JMJD1C: variants seen among roughly 807,000 people sequenced by gnomAD.
The protein encoded by JMJD1C is jumonji domain containing 1C.
Under a neutral mutation model 245.3 loss-of-function variants are expected in JMJD1C, and 31 were observed. That is an observed-to-expected ratio of 0.13 (90% CI 0.09 to 0.17). The LOEUF (loss-of-function observed/expected upper bound fraction) is 0.17, where lower values mean the gene tolerates loss of function less well. Among genes scored for constraint, JMJD1C ranks in the 10% least tolerant of loss-of-function variants. The pLI, the probability that JMJD1C is intolerant of heterozygous loss-of-function variation, is 1.00. For synonymous variants in JMJD1C, 1,057 were observed against 1,017.4 expected (o/e 1.04, Z -0.74); for missense variants, 2,691 against 3,000.2 (o/e 0.90, Z 2.41).
intron 5 of JMJD1C, among the ~76,000 whole-genome samples, chr10:63,216,374 A>T (rs1196899247): frequency 7.1e-6 from 1 of 140,422 alleles, no homozygotes; most frequent in African/African-American, 2.5e-5. Flanking sequence ...GTATTAAGTT[A>T]AAAAAAAAAT....
At chr10:63,314,776 T>C (rs1231987722) in intron 2 of JMJD1C, among the ~76,000 whole-genome samples, 1 of 152,026 alleles carries the variant, frequency 6.6e-6, no homozygotes, top group Non-Finnish European at 1.5e-5. Flanking sequence ...GCCACTCAAA[T>C]AGCTGGGATT....
At chr10:63,480,323 ATTT>A (rs35705943) in intron 1 of JMJD1C, among the ~76,000 whole-genome samples, 3 of 145,946 alleles carry the variant, frequency 2.1e-5, no homozygotes. Flanking sequence ...CTATAGTTTG[ATTT>A]TTTTTTTTTT....
chr10:63,419,392 A>C (rs10761760), intron 1 of JMJD1C, among the ~76,000 whole-genome samples: 63,310 of 151,426 alleles, frequency 0.42, 13,993 homozygotes, highest in South Asian at 0.53. Flanking sequence ...GTCTCGAAAA[A>C]AAATATATAT....
chr10:63,177,911 G>A, intron 22 of JMJD1C, 55 bp from the exon 23 acceptor site: 5 of 1,567,874 alleles, frequency 3.2e-6, no homozygotes, highest in Non-Finnish European at 4.3e-6. Context: ...AGAAAGCCAA[G>A]TCTCCTAAAG....
intron 2 of JMJD1C, among the ~76,000 whole-genome samples, chr10:63,281,036 T>C (rs1857319551): frequency 6.6e-6 from 1 of 151,206 alleles, no homozygotes; most frequent in African/African-American, 2.4e-5. Context: ...GATTTCACCG[T>C]GTTAGCCAGC....
intron 22 of JMJD1C, among the ~76,000 whole-genome samples, chr10:63,181,826 G>A (rs1204605996): frequency 6.6e-6 from 1 of 152,166 alleles, no homozygotes; most frequent in Non-Finnish European, 1.5e-5. Context: ...TACAAAGGAT[G>A]TAACTCCATG....
At chr10:63,491,070 G>A (rs1235185138) in intron 1 of JMJD1C, among the ~76,000 whole-genome samples, 1 of 152,126 alleles carries the variant, frequency 6.6e-6, no homozygotes, top group Non-Finnish European at 1.5e-5. Flanking sequence ...CTTGCCCTGT[G>A]GTCACACAAT....
At chr10:63,255,576 A>G (rs1853776282) in intron 3 of JMJD1C, among the ~76,000 whole-genome samples, 1 of 152,212 alleles carries the variant, frequency 6.6e-6, no homozygotes, top group Non-Finnish European at 1.5e-5. Flanking sequence ...TGGATGTACC[A>G]TGACATTGCC....
chr10:63,287,772 A>G lies in JMJD1C; in HGVS notation c.334-23008T>C, dbSNP rs1858163625. On this transcript the variant is annotated intron_variant, in intron 2 of 25. Coordinates refer to ENST00000399262, the MANE Select transcript of JMJD1C (RefSeq NM_032776.3). The stretch of plus-strand genomic sequence containing the variant: ...TTTCTTTTTCTTTTTTTTTTGAGAC[A>G]GAGTCTCGCTCTGTTGCGCAAGCTG... Among the ~76,000 whole-genome samples the G allele has an allele frequency of 2.0e-5, 3 of 151,814 alleles. No individual in the cohort carries two copies. The South Asian group carries it at 6.2e-4, about 32-fold the overall frequency.
chr10:63,498,372 T>C (rs1237326213), intron 1 of JMJD1C, among the ~76,000 whole-genome samples: 1 of 152,174 alleles, frequency 6.6e-6, no homozygotes, highest in Non-Finnish European at 1.5e-5. Flanking sequence ...AAACAATCCC[T>C]TATCTGATTA....
chr10:63,358,392 A>G (rs954840351), intron 2 of JMJD1C, among the ~76,000 whole-genome samples: 1 of 143,274 alleles, frequency 7.0e-6, no homozygotes, highest in African/African-American at 2.4e-5. Flanking sequence ...AATTTAAGAA[A>G]TGGGGTAAAA....
intron 1 of JMJD1C, among the ~76,000 whole-genome samples, chr10:63,433,586 C>CTTTTTTTTTT (rs539696706): frequency 9.2e-5 from 8 of 86,828 alleles, no homozygotes; most frequent in Non-Finnish European, 1.7e-4. Flanking sequence ...CTTTTCTTTT[C>CTTTTTTTTTT]TTTTTTTTTT....
chr10:63,212,432 T>C (rs768933801), intron 8 of JMJD1C, among the ~76,000 whole-genome samples: 8 of 152,178 alleles, frequency 5.3e-5, no homozygotes, highest in Non-Finnish European at 1.0e-4. Context: ...TTAAAAGTGA[T>C]ATCAATTTTT....
intron 3 of JMJD1C, among the ~76,000 whole-genome samples, chr10:63,253,711 A>G (rs1853431483): frequency 6.6e-6 from 1 of 152,130 alleles, no homozygotes; most frequent in South Asian, 2.1e-4. Context: ...ATGGTGTAAT[A>G]CTGCACCAGG....
At chr10:63,433,113 C>CA (rs1233446046) in intron 1 of JMJD1C, among the ~76,000 whole-genome samples, 1 of 149,884 alleles carries the variant, frequency 6.7e-6, no homozygotes, top group Non-Finnish European at 1.5e-5. Context: ...TTTTTTGAGA[C>CA]AGAGTTTTGC....
intron 1 of JMJD1C, among the ~76,000 whole-genome samples, chr10:63,441,147 A>G (rs1037779625): frequency 2.6e-5 from 4 of 152,236 alleles, no homozygotes; most frequent in African/African-American, 9.6e-5. Flanking sequence ...TGCATATACA[A>G]AAGAACTGAA....
At chr10:63,213,369 T>G (rs1847597796) in intron 8 of JMJD1C, 104 bp downstream of exon 8, 5 of 753,596 alleles carry the variant, frequency 6.6e-6, no homozygotes, top group Non-Finnish European at 1.1e-5. Context: ...TTCTAACATA[T>G]TTTATAATAG....
chr10:63,483,038 T>G (rs189450757), intron 1 of JMJD1C, among the ~76,000 whole-genome samples: 22 of 152,288 alleles, frequency 1.4e-4, no homozygotes, highest in Non-Finnish European at 2.9e-4. Context: ...TCTAAATAAT[T>G]ATCATCATAA....
intron 1 of JMJD1C, among the ~76,000 whole-genome samples, chr10:63,413,168 G>A (rs930060171): frequency 2.0e-5 from 3 of 152,026 alleles, no homozygotes; most frequent in African/African-American, 7.2e-5. Flanking sequence ...TTTTAGAATG[G>A]TCTCATCTAC....
Sources: gnomAD v4.1 joint callset for allele counts (sites outside exome capture counted in the v4.1 genomes callset) on GRCh38, gnomAD v4.1.1 for gene constraint, MANE v1.5 for transcripts, NCBI Gene and HGNC (gene_info 2026-07-23, HGNC 2026-07-21) for gene names.